Variants in MEIS2 observed in about 807,000 individuals in gnomAD.
MEIS2 encodes Meis homeobox 2, also known as homeobox protein Meis2.
Under a neutral mutation model 58.6 loss-of-function variants are expected in MEIS2, and 9 were observed. The observed-to-expected ratio is 0.15, with a 90% CI of 0.09 to 0.27. MEIS2 has a LOEUF of 0.27. Among genes scored for constraint, MEIS2 ranks in the 10% least tolerant of loss-of-function variants. The pLI, the probability that MEIS2 is intolerant of heterozygous loss-of-function variation, is 1.00. For missense variants in MEIS2, 427 were observed against 635.0 expected, an observed-to-expected ratio of 0.67 and a Z score of 3.52; for synonymous variants, 221 against 228.4, an observed-to-expected ratio of 0.97 and a Z score of 0.29.
At chr15:37,040,233 T>C (rs958758937) in intron 7 of MEIS2, among the ~76,000 whole-genome samples, 1 of 152,156 alleles carries the variant, frequency 6.6e-6, no homozygotes, top group Non-Finnish European at 1.5e-5. Flanking sequence ...GGATTCAAAA[T>C]TGTGGAATCC....
chr15:36,919,631 A>G (rs1289720830), intron 9 of MEIS2, among the ~76,000 whole-genome samples: 1 of 152,162 alleles, frequency 6.6e-6, no homozygotes, highest in African/African-American at 2.4e-5. Flanking sequence ...CAATATTACC[A>G]AAAGAATTCT....
chr15:37,088,267 T>TG (rs1893124658), intron 6 of MEIS2, among the ~76,000 whole-genome samples: 1 of 152,194 alleles, frequency 6.6e-6, no homozygotes, highest in Admixed American at 6.5e-5. Flanking sequence ...ACTCAGGGTA[T>TG]GTGCTCATAG....
chr15:36,934,443 G>A (rs2058090858), intron 9 of MEIS2, among the ~76,000 whole-genome samples: 1 of 152,182 alleles, frequency 6.6e-6, no homozygotes, highest in Non-Finnish European at 1.5e-5. Context: ...ATTAAAACGT[G>A]CACAAGGCAA....
chr15:36,952,272 A>C (rs2141395735), intron 8 of MEIS2, among the ~76,000 whole-genome samples: 1 of 152,202 alleles, frequency 6.6e-6, no homozygotes, highest in African/African-American at 2.4e-5. Context: ...AAAAATGTAA[A>C]AATCCTTTCT....
At chr15:37,047,104 G>T (rs147919596) in intron 7 of MEIS2, among the ~76,000 whole-genome samples, 18 of 152,214 alleles carry the variant, frequency 1.2e-4, no homozygotes, top group Non-Finnish European at 2.4e-4. Flanking sequence ...AGTATGTTCT[G>T]AAGTTATTCA....
intron 8 of MEIS2, among the ~76,000 whole-genome samples, chr15:36,991,670 A>T (rs962803005): frequency 1.5e-4 from 23 of 151,886 alleles, no homozygotes; most frequent in African/African-American, 5.6e-4. Flanking sequence ...CTTTGTGAGC[A>T]TTAGAAATAT....
chr15:37,003,136 A>G (rs2060795055), intron 8 of MEIS2, among the ~76,000 whole-genome samples: 1 of 152,162 alleles, frequency 6.6e-6, no homozygotes, highest in South Asian at 2.1e-4. Context: ...AGTGAGACAG[A>G]AACACCCTCT....
chr15:36,949,777 T>C (rs889909872), intron 9 of MEIS2, among the ~76,000 whole-genome samples: 2 of 152,028 alleles, frequency 1.3e-5, no homozygotes, highest in Non-Finnish European at 2.9e-5. Flanking sequence ...AAAGGGTGGA[T>C]GGTCCATACA....
intron 8 of MEIS2, among the ~76,000 whole-genome samples, chr15:36,962,335 G>T (rs1373051183): frequency 6.6e-6 from 1 of 152,132 alleles, no homozygotes; most frequent in African/African-American, 2.4e-5. Context: ...CTGAAACAAG[G>T]TATCTGTGGG....
rs112101181 is a variant in MEIS2, at chr15:36,959,586, T to C, written c.901-9186A>G. ...GAAGTTAGTGGAGGTAAAAGCCAGA[T>C]AGAAAATGAGAAGGAAGATTTAGGA... On this transcript the variant is annotated intron_variant, in intron 8 of 11. Transcript: ENST00000561208. Among the ~76,000 whole-genome samples, 555 of 152,204 alleles carry C rather than the reference T, an allele frequency of 3.6e-3. 2 individuals are homozygous for C. Among genetic ancestry groups the C allele is most frequent in the African/African-American group, 0.012 (519 of 41,538 alleles).
intron 9 of MEIS2, among the ~76,000 whole-genome samples, chr15:36,910,856 C>T (rs1355764321): frequency 6.6e-6 from 1 of 152,052 alleles, no homozygotes; most frequent in Non-Finnish European, 1.5e-5. Flanking sequence ...CCCAGCCTGG[C>T]CAACATAGTG....
intron 7 of MEIS2, among the ~76,000 whole-genome samples, chr15:37,075,382 T>C (rs1370903948): frequency 6.6e-6 from 1 of 152,080 alleles, no homozygotes; most frequent in Non-Finnish European, 1.5e-5. Context: ...TTTGAGCTGA[T>C]GGTCCATTGA....
Position 37,083,821 on chromosome 15 carries a change from G to T in MEIS2, c.704C>A (p.Pro235His). Reference protein sequence around the residue: ...TSTHSAGTPGPSSGGHASQSG... With the variant: ...TSTHSAGTPGHSSGGHASQSG... ...CTGGGAAGCATGGCCCCCACTGGAG[G>T]GCCCTGGGGTGCCTGCTGAGTGGGT... Residue 235 changes from proline (P) to histidine (H), a missense_variant, in exon 7 of 12, where the codon CCC (proline) becomes CAC (histidine). Pro to His is a moderately conservative substitution (Grantham distance 77, BLOSUM62 -2). Coordinates refer to ENST00000561208, the MANE Select transcript of MEIS2 (RefSeq NM_170675.5). The T allele has an allele frequency of 6.2e-7, 1 of 1,614,014 alleles. No individual in the cohort carries two copies. The highest frequency in any genetic ancestry group is 8.5e-7 in the Non-Finnish European group (1 of 1,179,942).
chr15:36,995,973 A>ATATATATATATATATATATATATG, intron 8 of MEIS2, among the ~76,000 whole-genome samples: 1 of 7,900 alleles, frequency 1.3e-4, no homozygotes, highest in African/African-American at 2.4e-4. Context: ...ATATATATAT[A>ATATATATATATATATATATATATG]TATATATATA....
At chr15:37,047,554 C>A (rs572031686) in intron 7 of MEIS2, among the ~76,000 whole-genome samples, 8 of 152,082 alleles carry the variant, frequency 5.3e-5, no homozygotes, top group Non-Finnish European at 8.8e-5. Flanking sequence ...TAATTAGGAG[C>A]CTTGAAGTTG....
At chr15:36,955,531 T>C (rs774965926) in intron 8 of MEIS2, among the ~76,000 whole-genome samples, 1 of 152,208 alleles carries the variant, frequency 6.6e-6, no homozygotes, top group Non-Finnish European at 1.5e-5. Context: ...CAGTCTCTGT[T>C]ATGGTAAAAT....
intron 8 of MEIS2, among the ~76,000 whole-genome samples, chr15:37,006,059 T>C (rs2060910787): frequency 6.6e-6 from 1 of 152,242 alleles, no homozygotes; most frequent in South Asian, 2.1e-4. Context: ...CAATTACTTA[T>C]AATCTTCTTC....
intron 8 of MEIS2, among the ~76,000 whole-genome samples, chr15:36,970,284 G>A (rs934479867): frequency 6.6e-6 from 1 of 151,834 alleles, no homozygotes. Flanking sequence ...GGCGCCTGTA[G>A]TCCCAGCTAC....
Position 36,892,165 on chromosome 15 carries a change from C to T in MEIS2, c.*8G>A. 6.2e-7 allele frequency: 1 copy of T among 1,613,940 alleles called. No individual in the cohort carries two copies. On this transcript the variant is annotated 3_prime_UTR_variant, in exon 12 of 12. Transcript: ENST00000561208. ...CGTGTGTTTCCTTTTCCCTTGAGTT[C>T]CCTTATACTATTGGGCATGAATGTC... is the stretch of plus-strand genomic sequence containing the variant.
Sources: allele counts gnomAD v4.1 joint callset (sites outside exome capture counted in the v4.1 genomes callset), GRCh38; gene constraint gnomAD v4.1.1; transcripts MANE v1.5; gene names NCBI Gene and HGNC (gene_info 2026-07-23, HGNC 2026-07-21).